The following PCDH11X variants were observed in gnomAD, a reference collection of about 807,000 sequenced individuals.
The protein encoded by PCDH11X is protocadherin-11 X-linked.
PCDH11X carries 18 observed loss-of-function variants against 53.3 expected under a neutral mutation model. The observed-to-expected ratio is 0.34, with a 90% CI of 0.23 to 0.50. The LOEUF (loss-of-function observed/expected upper bound fraction) is 0.50. Among genes scored for constraint, PCDH11X ranks in the 20% least tolerant of loss-of-function variants. The pLI, the probability that PCDH11X is intolerant of heterozygous loss-of-function variation, is 0.98. For synonymous variants in PCDH11X, 279 were observed against 393.3 expected (o/e 0.71, Z 3.44); for missense variants, 570 against 1,032.4 (o/e 0.55, Z 6.14).
chrX:92,000,274 C>T (rs1250204940), intron 6 of PCDH11X, among the ~76,000 whole-genome samples: 2 of 111,586 alleles, frequency 1.8e-5, no homozygotes, highest in Non-Finnish European at 3.8e-5. Flanking sequence ...TTCCTTTGTC[C>T]CATTTTCACA....
intron 10 of PCDH11X, among the ~76,000 whole-genome samples, chrX:92,470,939 G>C (rs1372073449): frequency 9.2e-6 from 1 of 109,178 alleles, no homozygotes; most frequent in Non-Finnish European, 1.9e-5. Flanking sequence ...TTTGGTATCA[G>C]GGTAATATTA....
At chrX:91,990,892 G>C (rs1185275807) in intron 6 of PCDH11X, among the ~76,000 whole-genome samples, 1 of 102,558 alleles carries the variant, frequency 9.8e-6, no homozygotes, top group African/African-American at 3.7e-5. Context: ...TTTTCACTAA[G>C]TCTTCTCTGA....
At chrX:92,201,501 G>T (rs752700209) in intron 7 of PCDH11X, 46 bp downstream of exon 7, 2 of 828,342 alleles carry the variant, frequency 2.4e-6, no homozygotes, top group Admixed American at 3.1e-5. Flanking sequence ...CCTTTTAAAT[G>T]ATTTTTATAA....
chrX:92,162,053 G>GC (rs1427660310), intron 6 of PCDH11X, among the ~76,000 whole-genome samples: 2 of 78,839 alleles, frequency 2.5e-5, no homozygotes, highest in Admixed American at 1.5e-4. Flanking sequence ...TGTATTTATT[G>GC]CTGGTGAGCA....
chrX:92,099,928 G>A (rs1202768989), intron 6 of PCDH11X, among the ~76,000 whole-genome samples: 1 of 110,896 alleles, frequency 9.0e-6, no homozygotes, highest in Non-Finnish European at 1.9e-5. Context: ...CAAGTTTCAA[G>A]CAGCCAAGGA....
At chrX:91,962,692 AC>A (rs1205333209) in intron 6 of PCDH11X, among the ~76,000 whole-genome samples, 1 of 111,345 alleles carries the variant, frequency 9.0e-6, no homozygotes, top group East Asian at 2.9e-4. Context: ...TCACTTCTGC[AC>A]TGCACTAGCA....
At chrX:92,163,140 C>T (rs1238751173) in intron 6 of PCDH11X, among the ~76,000 whole-genome samples, 6 of 107,468 alleles carry the variant, frequency 5.6e-5, no homozygotes. Context: ...ACAGACCTCA[C>T]CTAGCTCTCA....
At chrX:91,780,027 G>C (rs1935074919) in intron 1 of PCDH11X, among the ~76,000 whole-genome samples, 1 of 112,280 alleles carries the variant, frequency 8.9e-6, no homozygotes, top group Admixed American at 9.4e-5. Flanking sequence ...GGTACAGCCA[G>C]CTTCAGCGAG....
At chrX:92,084,457 G>T (rs1341628664) in intron 6 of PCDH11X, among the ~76,000 whole-genome samples, 3 of 105,381 alleles carry the variant, frequency 2.8e-5, no homozygotes, top group Admixed American at 1.1e-4. Flanking sequence ...TGAGGCAGGA[G>T]AATCGCTTGA....
intron 6 of PCDH11X, among the ~76,000 whole-genome samples, chrX:92,092,209 G>C (rs1470998061): frequency 1.8e-5 from 2 of 111,269 alleles, no homozygotes; most frequent in Non-Finnish European, 1.9e-5. Flanking sequence ...GTAGTTTGAC[G>C]TGGTTGTATA....
intron 6 of PCDH11X, among the ~76,000 whole-genome samples, chrX:92,009,070 A>G (rs1162780467): frequency 8.9e-6 from 1 of 112,441 alleles, no homozygotes; most frequent in Non-Finnish European, 1.9e-5. Context: ...TACAATTGCA[A>G]TAGCTGTGTT....
intron 6 of PCDH11X, chrX:92,113,595 G>A (rs35698859): frequency 2.3e-5 from 28 of 1,195,200 alleles, no homozygotes; most frequent in Admixed American, 1.8e-4. Flanking sequence ...GCATCTTCTC[G>A]GTGAGCCAGT....
chrX:92,038,439 G>A (rs975601329), intron 6 of PCDH11X, among the ~76,000 whole-genome samples: 1 of 111,161 alleles, frequency 9.0e-6, no homozygotes, highest in Non-Finnish European at 1.9e-5. Flanking sequence ...CAAGCCTCAA[G>A]CTTTGGCAGT....
At chrX:92,302,251 G>A (rs1274137416) in intron 8 of PCDH11X, among the ~76,000 whole-genome samples, 1 of 111,155 alleles carries the variant, frequency 9.0e-6, no homozygotes, top group Non-Finnish European at 1.9e-5. Context: ...AGGTAAAAGG[G>A]AATGTTGTGT....
rs35635561 is a variant in PCDH11X at position 92,110,542 on chromosome X, A to AG, written c.3034-90825dup. Among the ~76,000 whole-genome samples, 704 of 109,132 alleles carry AG rather than the reference A, an allele frequency of 6.5e-3. 9 individuals are homozygous for AG. Among genetic ancestry groups the AG allele is most frequent in the African/African-American group, 0.019 (554 of 29,648 alleles). The allele number at this position is 109,132 out of a possible 115,157, so 94.8% of individuals were successfully genotyped here. A position where few individuals can be genotyped will look rare whatever the true frequency, so the allele number is the denominator to read the frequency against. On this transcript the variant is annotated intron_variant, in intron 6 of 10. Coordinates refer to ENST00000682573, the MANE Select transcript of PCDH11X (RefSeq NM_032968.5). Reference sequence around the variant, plus strand: ...GAAGCACACAGTTTTTACATAAACAAGGGGGGGGCAGAGGAAAAATGTGAA... The same window carrying AG: ...GAAGCACACAGTTTTTACATAAACAAGGGGGGGGGCAGAGGAAAAATGTGAA...
intron 8 of PCDH11X, among the ~76,000 whole-genome samples, chrX:92,351,950 T>C (rs1240826642): frequency 5.3e-5 from 6 of 112,152 alleles, no homozygotes; most frequent in Non-Finnish European, 1.1e-4. Context: ...TGGAAACTTC[T>C]GTTATTTTCA....
At chrX:92,330,496 T>C (rs916026233) in intron 8 of PCDH11X, among the ~76,000 whole-genome samples, 2 of 110,529 alleles carry the variant, frequency 1.8e-5, no homozygotes, top group African/African-American at 6.6e-5. Flanking sequence ...AAATTGAACA[T>C]GTTGGAAAAC....
chrX:91,934,524 A>G (rs1042087466), intron 6 of PCDH11X, among the ~76,000 whole-genome samples: 1 of 110,205 alleles, frequency 9.1e-6, no homozygotes, highest in Non-Finnish European at 1.9e-5. Context: ...GACTGTAGTG[A>G]GGTTTAAAGA....
chrX:92,248,870 A>G (rs2067404157), intron 7 of PCDH11X, among the ~76,000 whole-genome samples: 1 of 109,148 alleles, frequency 9.2e-6, no homozygotes, highest in African/African-American at 3.3e-5. Context: ...CCCGGCTAAT[A>G]TTTTTGTATT....
Sources: allele counts gnomAD v4.1 joint callset (sites outside exome capture counted in the v4.1 genomes callset), GRCh38; gene constraint gnomAD v4.1.1; transcripts MANE v1.5; gene names NCBI Gene and HGNC (gene_info 2026-07-23, HGNC 2026-07-21).